Variants in SHISA6 observed in about 807,000 individuals in gnomAD.
SHISA6 encodes protein shisa-6.
SHISA6 carries 22 observed loss-of-function variants against 47.9 expected under a neutral mutation model. The ratio of observed to expected loss-of-function variants is 0.46; its 90% CI spans 0.33 to 0.66. The LOEUF (loss-of-function observed/expected upper bound fraction) is 0.66. Among genes scored for constraint, SHISA6 ranks in the 30% least tolerant of loss-of-function variants. The pLI is 0.02. For synonymous variants in SHISA6, 388 were observed against 337.8 expected (o/e 1.15, Z -1.63); for missense variants, 680 against 764.6 (o/e 0.89, Z 1.30).
rs1249044101 is a variant in SHISA6, at chr17:11,241,506, C to T, written c.84C>T (p.Gly28=). ...TGCCCAGCGTCCACGGAGCCCGCGG[C>T]CGCGCCGCCAACCGGACCCTGAGTG... ...DLLPSVHGAR[G]RAANRTLSAG... The change falls in exon 1 of 6, where the codon GGC becomes GGT. Residue 28 remains glycine (G), a synonymous_variant. Transcript: ENST00000441885. This position sits in a 1 kb window ranked among gnomAD's most constrained non-coding sequence, Gnocchi z 5.5. 3.5e-6 allele frequency: 4 copies of T among 1,156,554 alleles called. No individual in the cohort carries two copies. Among genetic ancestry groups the T allele is most frequent in the Non-Finnish European group, 3.2e-6 (3 of 932,826 alleles). 71.6% of individuals were successfully genotyped at this position (1,156,554 alleles called of 1,614,324 possible).
chr17:11,343,588 T>C (rs1160794883), intron 2 of SHISA6, among the ~76,000 whole-genome samples: 1 of 152,160 alleles, frequency 6.6e-6, no homozygotes, highest in African/African-American at 2.4e-5. Flanking sequence ...GGGGCGTTGA[T>C]CCCCTGAGTC....
chr17:11,514,048 G>A (rs537669805), intron 3 of SHISA6, among the ~76,000 whole-genome samples: 1 of 152,226 alleles, frequency 6.6e-6, no homozygotes, highest in Admixed American at 6.5e-5. Context: ...TGACAGTCTG[G>A]TGCTCCATTT....
chr17:11,272,781 G>T (rs1908729738), intron 2 of SHISA6, among the ~76,000 whole-genome samples: 1 of 152,192 alleles, frequency 6.6e-6, no homozygotes, highest in African/African-American at 2.4e-5. Flanking sequence ...GTCCCACGGG[G>T]AACAGTAGGT....
At position 11,263,406 on chromosome 17, in the gene SHISA6, A is replaced by G. The variant is rs1908310519; in HGVS notation, c.679A>G (p.Ile227Val). The change falls in exon 2 of 6, where the codon ATA becomes GTA. Residue 227 changes from isoleucine (I) to valine (V), a missense_variant. Around this residue, in one of 2 missense-constraint regions of SHISA6, gnomAD observed 559 missense variants for 674.1 expected, o/e 0.83. Coordinates refer to ENST00000441885, the MANE Select transcript of SHISA6 (RefSeq NM_207386.4). ...CTTAAGACAACAGGGACCAATCCCC[A>G]TAGCACACTGTGAAAGAGAAACTAT... is the stretch of plus-strand genomic sequence containing the variant. ...DILRQQGPIP[I>V]AHCERETISA... The G allele has an allele frequency of 1.3e-6, 2 of 1,552,130 alleles. No homozygotes were observed. The highest frequency in any genetic ancestry group is 1.4e-5 in the African/African-American group (1 of 73,150).
chr17:11,450,839 T>G (rs1915376527), intron 3 of SHISA6, among the ~76,000 whole-genome samples: 1 of 152,140 alleles, frequency 6.6e-6, no homozygotes, highest in African/African-American at 2.4e-5. Flanking sequence ...CTATTGCAGT[T>G]CATCATGCCT....
chr17:11,456,730 T>G (rs1915548966), intron 3 of SHISA6, among the ~76,000 whole-genome samples: 1 of 152,194 alleles, frequency 6.6e-6, no homozygotes, highest in South Asian at 2.1e-4. Flanking sequence ...CACGAAGAAC[T>G]GCAGGACTTG....
At chr17:11,515,125 A>G (rs189611104) in intron 3 of SHISA6, among the ~76,000 whole-genome samples, 356 of 151,944 alleles carry the variant, frequency 2.3e-3, no homozygotes, top group Admixed American at 3.0e-3. Context: ...AAATCCTTCT[A>G]TCAGTGTGTC....
intron 3 of SHISA6, among the ~76,000 whole-genome samples, chr17:11,544,713 C>A (rs1172344155): frequency 2.0e-5 from 3 of 152,052 alleles, no homozygotes; most frequent in African/African-American, 7.2e-5. Flanking sequence ...GTAATCCCAG[C>A]ACTTTGGGAG....
chr17:11,407,117 A>G (rs1409667624), intron 3 of SHISA6, among the ~76,000 whole-genome samples: 4 of 152,152 alleles, frequency 2.6e-5, no homozygotes, highest in Admixed American at 1.3e-4. Flanking sequence ...AGCGTTTTCT[A>G]TGTGCCAGGC....
intron 3 of SHISA6, among the ~76,000 whole-genome samples, chr17:11,436,878 ACC>A (rs1462101991): frequency 6.6e-6 from 1 of 152,184 alleles, no homozygotes; most frequent in Non-Finnish European, 1.5e-5. Context: ...GGCTTTTTCA[ACC>A]AAAAGGCAAA....
At chr17:11,452,763 C>T (rs1208587680) in intron 3 of SHISA6, among the ~76,000 whole-genome samples, 1 of 148,540 alleles carries the variant, frequency 6.7e-6, no homozygotes, top group Non-Finnish European at 1.5e-5. Context: ...CCTTCTCTTA[C>T]TCTTCCTTCT....
intron 3 of SHISA6, among the ~76,000 whole-genome samples, chr17:11,463,132 AC>A (rs1431348453): frequency 6.6e-6 from 1 of 152,210 alleles, no homozygotes. Flanking sequence ...TGTGGAGCCA[AC>A]AGGCTGCAAA....
chr17:11,406,209 C>T (rs1470666362), intron 3 of SHISA6, among the ~76,000 whole-genome samples: 4 of 152,200 alleles, frequency 2.6e-5, no homozygotes, highest in African/African-American at 9.7e-5. Context: ...ACACCACATG[C>T]ATGAGATTAA....
chr17:11,423,231 G>GTA (rs1914499074), intron 3 of SHISA6, among the ~76,000 whole-genome samples: 3 of 140,220 alleles, frequency 2.1e-5, no homozygotes, highest in Admixed American at 1.4e-4. Context: ...GTGTGTGTGT[G>GTA]TGTGTGTGTA....
intron 3 of SHISA6, among the ~76,000 whole-genome samples, chr17:11,459,877 G>T (rs1271438310): frequency 6.6e-6 from 1 of 152,220 alleles, no homozygotes; most frequent in Admixed American, 6.5e-5. Context: ...TGCAGTGGTT[G>T]CAGAGAGCCC....
chr17:11,469,392 C>G (rs1222679118), intron 3 of SHISA6, among the ~76,000 whole-genome samples: 2 of 152,102 alleles, frequency 1.3e-5, no homozygotes, highest in Non-Finnish European at 2.9e-5. Flanking sequence ...CCCCTAGAGC[C>G]TCCAGAAAGA....
At chr17:11,484,887 G>C (rs1348224862) in intron 3 of SHISA6, among the ~76,000 whole-genome samples, 1 of 152,160 alleles carries the variant, frequency 6.6e-6, no homozygotes, top group Admixed American at 6.5e-5. Flanking sequence ...TAAATTCTCA[G>C]GCAGTATTTG....
In SHISA6 at chr17:11,241,680, C is replaced by T; in HGVS notation, c.258C>T (p.Ser86=). Residue 86 remains serine (S), a synonymous_variant, in exon 1 of 6, where the codon AGC becomes AGT. Transcript: ENST00000441885. This position sits in a 1 kb window ranked among gnomAD's most constrained non-coding sequence, Gnocchi z 5.5. ...QPAAAVAAAA[S]AAVTYETCWG... ...CGGCGGCTGTGGCGGCGGCGGCCAG[C>T]GCGGCCGTCACCTACGAGACGTGCT... 4 of 1,489,560 alleles carry T rather than the reference C, an allele frequency of 2.7e-6. No individual in the cohort carries two copies. The highest frequency in any genetic ancestry group is 3.6e-6 in the Non-Finnish European group (4 of 1,125,194). The allele number at this position is 1,489,560 out of a possible 1,614,324, so 92.3% of individuals were successfully genotyped here.
chr17:11,501,577 T>C (rs2071453992), intron 3 of SHISA6, among the ~76,000 whole-genome samples: 1 of 152,124 alleles, frequency 6.6e-6, no homozygotes, highest in South Asian at 2.1e-4. Flanking sequence ...AATGGGAGGC[T>C]GCTGGGCAGG....
Sources: gnomAD v4.1 joint callset for allele counts (sites outside exome capture counted in the v4.1 genomes callset) on GRCh38, gnomAD v4.1.1 for gene constraint, gnomAD v4.1.1 regional missense constraint, Gnocchi (gnomAD v3.1) non-coding constraint, MANE v1.5 for transcripts, NCBI Gene and HGNC (gene_info 2026-07-23, HGNC 2026-07-21) for gene names.